The following ZBTB32 variants were observed in gnomAD, a reference collection of about 807,000 sequenced individuals.
ZBTB32 encodes the protein zinc finger and BTB domain-containing protein 32.
Under a neutral mutation model 45.3 loss-of-function variants are expected in ZBTB32, and 28 were observed. The observed-to-expected ratio is 0.62, with a 90% CI of 0.46 to 0.85. The LOEUF (loss-of-function observed/expected upper bound fraction) is 0.85. ZBTB32 is among the 40% of genes least tolerant of loss of function. ZBTB32 has a pLI of 0.00. For missense variants in ZBTB32, 587 were observed against 624.4 expected (o/e 0.94, Z 0.64); for synonymous variants, 283 against 255.7 (o/e 1.11, Z -1.02).
In ZBTB32 at chr19:35,716,554, A is replaced by C. The variant is rs373668974; in HGVS notation, c.1266A>C (p.Thr422=). Residue 422 remains threonine (T), a synonymous_variant, in exon 7 of 7, where the codon ACA becomes ACC. Transcript: ENST00000392197. ...CGGCCATGACCAAGCACCTGCGGAC[A>C]CACGGGGCCGCTCCGTACCGCTGCT... ...DFSAMTKHLR[T]HGAAPYRCSL... 3 of 1,612,942 alleles carry C rather than the reference A, an allele frequency of 1.9e-6. No homozygotes were observed. In the African/African-American group the frequency reaches 4.0e-5, roughly 22 times the overall value.
chr19:35,716,311 G>C lies in ZBTB32; in HGVS notation c.1189+14G>C. ...GAGTCCACACAGGTATGGGCGCCCT[G>C]CCCTGTGTGAACTGTCGGCTTTCTT... On this transcript the variant is annotated intron_variant, in intron 6 of 6. Transcript: ENST00000392197. The C allele has an allele frequency of 6.2e-7, 1 of 1,613,490 alleles. No homozygotes were observed. Among genetic ancestry groups the C allele is most frequent in the Admixed American group, 1.7e-5 (1 of 60,006 alleles).
At chr19:35,714,495 C>A in intron 2 of ZBTB32, 28 bp from the exon 3 acceptor site, 2 of 1,051,594 alleles carry the variant, frequency 1.9e-6, no homozygotes, top group Non-Finnish European at 2.7e-6. Context: ...GGACCAGCAA[C>A]TCACACCCTC....
chr19:35,706,088 C>T (rs866626771), intron 1 of ZBTB32, among the ~76,000 whole-genome samples: 6 of 149,480 alleles, frequency 4.0e-5, no homozygotes, highest in Middle Eastern at 3.7e-3. Flanking sequence ...ATTAGCTGGG[C>T]GTGGTGGCAC....
At position 35,716,393 on chromosome 19, in the gene ZBTB32, C is replaced by T. The variant is rs1968899757; in HGVS notation, c.1190-85C>T. ...GCCCGGTTCCCGCGCAATCCCCTAGCCCCGTGGCCCGATCCACCCCTAACT... is the reference window on the plus strand; with the variant it reads ...GCCCGGTTCCCGCGCAATCCCCTAGTCCCGTGGCCCGATCCACCCCTAACT... On this transcript the variant is annotated intron_variant, in intron 6 of 6. Transcript: ENST00000392197. 1.9e-6 allele frequency: 3 copies of T among 1,586,996 alleles called. No homozygotes were observed. In the South Asian group the frequency reaches 3.4e-5, roughly 18 times the overall value.
At position 35,715,334 on chromosome 19, in the gene ZBTB32, A is replaced by T; in HGVS notation, c.708A>T (p.Ala236=). 2 of 1,600,956 alleles carry T rather than the reference A, an allele frequency of 1.2e-6. No homozygotes were observed. Among genetic ancestry groups the T allele is most frequent in the Non-Finnish European group, 8.5e-7 (1 of 1,175,084 alleles). ...LRKLPGPLPP[A]GSLQTSVTPR... ...AGCTCCCTGGCCCCCTTCCCCCAGCAGGCTCCCTGCAAACCAGCGTCACCC... is the reference window on the plus strand; with the variant it reads ...AGCTCCCTGGCCCCCTTCCCCCAGCTGGCTCCCTGCAAACCAGCGTCACCC... The change falls in exon 3 of 7, where the codon GCA becomes GCT. Residue 236 remains alanine, a synonymous_variant. Coordinates refer to ENST00000392197, the MANE Select transcript of ZBTB32 (RefSeq NM_014383.3).
intron 1 of ZBTB32, among the ~76,000 whole-genome samples, chr19:35,711,897 C>T (rs1193196466): frequency 4.6e-5 from 7 of 151,886 alleles, no homozygotes; most frequent in Non-Finnish European, 7.4e-5. Flanking sequence ...TGGTGGCGGG[C>T]GCCTGTAATC....
At chr19:35,715,913 C>T (rs765486584) in intron 4 of ZBTB32, 26 bp from the exon 5 acceptor site, 3 of 1,611,876 alleles carry the variant, frequency 1.9e-6, no homozygotes, top group South Asian at 1.1e-5. Flanking sequence ...CTGAGCAGGG[C>T]CCCTACCTCC....
chr19:35,707,044 C>T (rs1357449139), intron 1 of ZBTB32, among the ~76,000 whole-genome samples: 1 of 151,888 alleles, frequency 6.6e-6, no homozygotes, highest in Admixed American at 6.6e-5. Context: ...GCTCGGCAGA[C>T]AGCCACCAAG....
Position 35,716,909 on chromosome 19 carries a change from G to A in ZBTB32, c.*157G>A. 2.3e-6 allele frequency: 2 copies of A among 851,768 alleles called. No homozygotes were observed. The highest frequency in any genetic ancestry group is 3.6e-6 in the Non-Finnish European group (2 of 563,294). The allele number at this position is 851,768 out of a possible 1,614,324, so 52.8% of individuals were successfully genotyped here. Reference sequence around the variant, plus strand: ...CGAGTGCCCTCTCCTGGACGATCGCGGGTCGCAGAAGCCCAGGCCAGCGAG... The same window carrying A: ...CGAGTGCCCTCTCCTGGACGATCGCAGGTCGCAGAAGCCCAGGCCAGCGAG... On this transcript the variant is annotated 3_prime_UTR_variant, in exon 7 of 7. Transcript: ENST00000392197.
chr19:35,705,462 C>A (rs980995360), intron 1 of ZBTB32, among the ~76,000 whole-genome samples: 7 of 152,164 alleles, frequency 4.6e-5, no homozygotes, highest in African/African-American at 1.7e-4. Context: ...TTGAGATGTT[C>A]TTGGCAGATT....
chr19:35,712,237 G>A (rs560379479), intron 1 of ZBTB32, among the ~76,000 whole-genome samples: 26 of 152,220 alleles, frequency 1.7e-4, no homozygotes, highest in Admixed American at 6.5e-4. Context: ...CAAGGCAGGC[G>A]GATCATTTGA....
chr19:35,706,228 C>CAAAAAAAAAAAAA lies in ZBTB32; in HGVS notation c.-222+1609_-222+1621dup, dbSNP rs11331490. ...GGGCAACAAGAGCGAAACTCCATCTCAAAAAAAAAAAAAAAACTGGAATTG... is the reference window on the plus strand; with the variant it reads ...GGGCAACAAGAGCGAAACTCCATCTCAAAAAAAAAAAAAAAAAAAAAAAAAAAAACTGGAATTG... On this transcript the variant is annotated intron_variant, in intron 1 of 6. Transcript: ENST00000392197. 3.8e-5 allele frequency among the ~76,000 whole-genome samples: 5 copies of CAAAAAAAAAAAAA among 130,728 alleles called. No homozygotes were observed. In the East Asian group the frequency reaches 1.2e-3, roughly 31 times the overall value. The allele number at this position is 130,728 out of a possible 152,430, so 85.8% of individuals were successfully genotyped here.
In ZBTB32 at chr19:35,715,436, C is replaced by A; in HGVS notation, c.810C>A (p.Pro270=). ...PALWSILLMP[P]RYGIPFYHST... ...TGTGGAGCATCCTGCTGATGCCGCCCAGATATGGCATTCCCTTCTACCATA... is the reference window on the plus strand; with the variant it reads ...TGTGGAGCATCCTGCTGATGCCGCCAAGATATGGCATTCCCTTCTACCATA... The change falls in exon 3 of 7, where the codon CCC becomes CCA. Residue 270 remains proline (P), a synonymous_variant. Coordinates refer to ENST00000392197, the MANE Select transcript of ZBTB32 (RefSeq NM_014383.3). The A allele has an allele frequency of 6.3e-7, 1 of 1,594,598 alleles. No homozygotes were observed. Among genetic ancestry groups the A allele is most frequent in the Admixed American group, 1.8e-5 (1 of 55,004 alleles).
chr19:35,716,984 G>A lies in ZBTB32; in HGVS notation c.*232G>A. 1.7e-6 allele frequency: 1 copy of A among 576,980 alleles called. No homozygotes were observed. Among genetic ancestry groups the A allele is most frequent in the East Asian group, 2.8e-5 (1 of 35,124 alleles). The allele number at this position is 576,980 out of a possible 1,614,324, so 35.7% of individuals were successfully genotyped here. A position where few individuals can be genotyped will look rare whatever the true frequency, so the allele number is the denominator to read the frequency against. ...TGTGCAGGAGCGAAGGTTAACAGTA[G>A]GGGAGATTGTCGATCTCATCACCAT... is the stretch of plus-strand genomic sequence containing the variant. On this transcript the variant is annotated 3_prime_UTR_variant, in exon 7 of 7. Transcript: ENST00000392197.
In ZBTB32 at chr19:35,715,485, CAGG is replaced by C. The variant is rs778507433; in HGVS notation, c.863_865del (p.Glu288del). 10 of 1,552,012 alleles carry C rather than the reference CAGG, an allele frequency of 6.4e-6. No individual in the cohort carries two copies. The highest frequency in any genetic ancestry group is 2.0e-5 in the Admixed American group (1 of 50,268). On this transcript the variant is annotated inframe_deletion, in exon 3 of 7. Coordinates refer to ENST00000392197, the MANE Select transcript of ZBTB32 (RefSeq NM_014383.3). ...TAGCACCCCCACCACTGGAGCCTGG[CAGG>C]AGGTCTGGCGGGAACAGAGGTGAGT...
chr19:35,716,636 C>T lies in ZBTB32; in HGVS notation c.1348C>T (p.His450Tyr). Residue 450 changes from histidine to tyrosine, a missense_variant, in exon 7 of 7, where the codon CAC (histidine) becomes TAC (tyrosine). Coordinates refer to ENST00000392197, the MANE Select transcript of ZBTB32 (RefSeq NM_014383.3). The stretch of plus-strand genomic sequence containing the variant: ...CTCCATGCAGGCGCACATGCGCGGT[C>T]ACTCGCCCAGCCAACTCCCGCCCGG... ...LASMQAHMRG[H>Y]SPSQLPPGWT... The T allele has an allele frequency of 6.2e-7, 1 of 1,613,744 alleles. No individual in the cohort carries two copies. The highest frequency in any genetic ancestry group is 8.5e-7 in the Non-Finnish European group (1 of 1,179,952).
At chr19:35,712,094 C>T (rs1968717975) in intron 1 of ZBTB32, among the ~76,000 whole-genome samples, 1 of 149,482 alleles carries the variant, frequency 6.7e-6, no homozygotes. Context: ...GTCACCAGAG[C>T]AGCTTACCAG....
At chr19:35,706,035 C>A in intron 1 of ZBTB32, among the ~76,000 whole-genome samples, 1 of 151,788 alleles carries the variant, frequency 6.6e-6, no homozygotes, top group East Asian at 1.9e-4. Flanking sequence ...TTGAGACCAG[C>A]ATGACCAACA....
At chr19:35,708,717 AG>A (rs962567809) in intron 1 of ZBTB32, among the ~76,000 whole-genome samples, 4 of 152,240 alleles carry the variant, frequency 2.6e-5, no homozygotes, top group African/African-American at 9.6e-5. Context: ...CACAAATTTA[AG>A]GGAAAAAGGG....
Sources: gnomAD v4.1 joint callset for allele counts (sites outside exome capture counted in the v4.1 genomes callset) on GRCh38, gnomAD v4.1.1 for gene constraint, MANE v1.5 for transcripts, NCBI Gene and HGNC (gene_info 2026-07-23, HGNC 2026-07-21) for gene names.